The following EGFR variants were observed in gnomAD, a reference collection of about 807,000 sequenced individuals.
EGFR encodes epidermal growth factor receptor.
A neutral mutation model predicts 143.0 loss-of-function variants in EGFR; 58 were observed. The observed-to-expected ratio is 0.41, with a 90% CI of 0.33 to 0.50. EGFR has a LOEUF of 0.50. Among genes scored for constraint, EGFR ranks in the 20% least tolerant of loss-of-function variants. The pLI, the probability that EGFR is intolerant of heterozygous loss-of-function variation, is 0.39. For missense variants in EGFR, 1,307 were observed against 1,579.0 expected (o/e 0.83, Z 2.92); for synonymous variants, 613 against 594.4 (o/e 1.03, Z -0.45).
intron 1 of EGFR, among the ~76,000 whole-genome samples, chr7:55,083,765 T>C (rs751925300): frequency 7.9e-5 from 12 of 152,254 alleles, no homozygotes; most frequent in Non-Finnish European, 1.3e-4. Context: ...CATGCATTAA[T>C]GTTTAAATAT....
intron 1 of EGFR, chr7:55,119,096 C>T (rs1793047928): frequency 6.6e-6 from 1 of 152,194 alleles, no homozygotes; most frequent in Admixed American, 6.5e-5. Context: ...AAGAGGAAGG[C>T]ATCATCAAGA....
chr7:55,140,806 G>C (rs1180531771), intron 1 of EGFR, among the ~76,000 whole-genome samples: 1 of 152,192 alleles, frequency 6.6e-6, no homozygotes, highest in African/African-American at 2.4e-5. Context: ...CACTGAAATT[G>C]AATGAGAACA....
intron 19 of EGFR, chr7:55,180,940 T>C (rs1786833535): frequency 2.6e-6 from 1 of 388,248 alleles, no homozygotes; most frequent in Non-Finnish European, 4.8e-6. Flanking sequence ...TCCTCAACCT[T>C]GAGGCGGAGG....
intron 27 of EGFR, among the ~76,000 whole-genome samples, chr7:55,203,529 G>A (rs914995170): frequency 1.2e-4 from 15 of 123,034 alleles, no homozygotes; most frequent in South Asian, 5.5e-4. Flanking sequence ...ACATACACAC[G>A]TACACATACA....
intron 1 of EGFR, among the ~76,000 whole-genome samples, chr7:55,107,684 C>A (rs915654077): frequency 6.6e-6 from 1 of 152,210 alleles, no homozygotes; most frequent in African/African-American, 2.4e-5. Context: ...CTTCCAAATT[C>A]TCAAGGCCAC....
rs565128368 is a variant in EGFR, at chr7:55,127,004, T to G, written c.89-15282T>G. Among the ~76,000 whole-genome samples, 381 of 152,298 alleles carry G rather than the reference T, an allele frequency of 2.5e-3. 1 individual carries two copies. The highest frequency in any genetic ancestry group is 4.1e-3 in the Non-Finnish European group (281 of 68,024). ...GGAATAGACTTGGGGGCAGTGCAAG[T>G]GTATTTCTAATGGTGAAAACCATTC... On this transcript the variant is annotated intron_variant, in intron 1 of 27. Transcript: ENST00000275493.
At chr7:55,104,354 G>A (rs1024649719) in intron 1 of EGFR, among the ~76,000 whole-genome samples, 5 of 152,170 alleles carry the variant, frequency 3.3e-5, no homozygotes, top group Non-Finnish European at 4.4e-5. Flanking sequence ...CTCCGCCGTC[G>A]CTGCTACTGT....
rs755627760 is a variant in EGFR at position 55,201,365 on chromosome 7, C to A, written c.3114+10C>A. 5.0e-6 allele frequency: 8 copies of A among 1,614,148 alleles called. No homozygotes were observed. The South Asian group carries it at 7.7e-5, about 16-fold the overall frequency. ...CCTCCTGAGCTCTCTGGTATGAAAT[C>A]TCTGTCTCTCTCTCTCTCTCAAGCT... On this transcript the variant is annotated intron_variant, in intron 25 of 27. Coordinates refer to ENST00000275493, the MANE Select transcript of EGFR (RefSeq NM_005228.5).
intron 22 of EGFR, among the ~76,000 whole-genome samples, chr7:55,193,054 A>G (rs1442134291): frequency 2.0e-5 from 3 of 147,518 alleles, no homozygotes; most frequent in Non-Finnish European, 4.5e-5. Flanking sequence ...GGAGATTGCA[A>G]TGAGCTCGTC....
chr7:55,192,282 G>A (rs945631690), intron 21 of EGFR, among the ~76,000 whole-genome samples: 2 of 152,146 alleles, frequency 1.3e-5, no homozygotes, highest in Admixed American at 6.5e-5. Context: ...TCTGTGGCTC[G>A]TGGCTGGGAC....
At position 55,143,663 on chromosome 7, in the gene EGFR, T is replaced by C. The variant is rs1403037490; in HGVS notation, c.424+175T>C. Among the ~76,000 whole-genome samples the C allele has an allele frequency of 6.6e-5, 10 of 152,270 alleles. No individual in the cohort carries two copies. In the East Asian group the frequency reaches 1.4e-3, roughly 21 times the overall value. On this transcript the variant is annotated intron_variant, in intron 3 of 27. Transcript: ENST00000275493. ...ACTGCAGGGGAAGTTACTGAGAAGATGGCAGATACTGGAATGGGAAGATTT... is the reference window on the plus strand; with the variant it reads ...ACTGCAGGGGAAGTTACTGAGAAGACGGCAGATACTGGAATGGGAAGATTT...
intron 22 of EGFR, among the ~76,000 whole-genome samples, chr7:55,197,227 T>C (rs1266182508): frequency 1.3e-5 from 2 of 152,150 alleles, no homozygotes; most frequent in African/African-American, 2.4e-5. Flanking sequence ...TCTTTCACTT[T>C]CCTGGTTTAC....
In EGFR at chr7:55,156,514, G is replaced by A. The variant is rs769843542; in HGVS notation, c.1007-19G>A. The A allele has an allele frequency of 5.6e-6, 9 of 1,613,950 alleles. No homozygotes were observed. The Admixed American group carries it at 6.7e-5, about 12-fold the overall frequency. ...TCCAACAAATGTGAACGGAATACAC[G>A]TCTCTCTTATCTCTGCAGTGTGTAA... On this transcript the variant is annotated intron_variant, in intron 8 of 27. Transcript: ENST00000275493.
intron 15 of EGFR, chr7:55,170,170 C>T (rs1327015777): frequency 6.7e-7 from 1 of 1,500,012 alleles, no homozygotes; most frequent in Non-Finnish European, 9.1e-7. Context: ...CACCCAGACC[C>T]CCAAATTAAG....
chr7:55,092,073 T>C (rs1175606284), intron 1 of EGFR, among the ~76,000 whole-genome samples: 1 of 152,200 alleles, frequency 6.6e-6, no homozygotes, highest in African/African-American at 2.4e-5. Flanking sequence ...AGCTGCTTAA[T>C]GGATAGCAGG....
chr7:55,191,763 G>T lies in EGFR; in HGVS notation c.2514G>T (p.Leu838=). The T allele has an allele frequency of 6.2e-7, 1 of 1,614,064 alleles. No individual in the cohort carries two copies. Among genetic ancestry groups the T allele is most frequent in the Non-Finnish European group, 8.5e-7 (1 of 1,180,038 alleles). ...LEDRRLVHRD[L]AARNVLVKTP... is the part of the protein sequence containing the mutation. ...ACCGTCGCTTGGTGCACCGCGACCT[G>T]GCAGCCAGGAACGTACTGGTGAAAA... is the stretch of plus-strand genomic sequence containing the variant. Residue 838 remains leucine (L), a synonymous_variant, in exon 21 of 28, where the codon CTG becomes CTT. Coordinates refer to ENST00000275493, the MANE Select transcript of EGFR (RefSeq NM_005228.5).
chr7:55,082,669 G>C (rs796935442), intron 1 of EGFR, among the ~76,000 whole-genome samples: 36 of 152,244 alleles, frequency 2.4e-4, no homozygotes, highest in African/African-American at 8.4e-4. Context: ...TGTGGCTCCG[G>C]GCAGCAGCCT....
At chr7:55,092,685 G>A (rs1232377108) in intron 1 of EGFR, among the ~76,000 whole-genome samples, 4 of 152,328 alleles carry the variant, frequency 2.6e-5, no homozygotes, top group Admixed American at 6.5e-5. Context: ...AAACAAGCTC[G>A]TAGTATTAGA....
chr7:55,192,484 G>A (rs945396104), intron 21 of EGFR, among the ~76,000 whole-genome samples: 5 of 152,156 alleles, frequency 3.3e-5, no homozygotes, highest in Non-Finnish European at 7.3e-5. Context: ...GAAAACACAC[G>A]CAGACCTGGA....
Sources: gnomAD v4.1 joint callset for allele counts (sites outside exome capture counted in the v4.1 genomes callset) on GRCh38, gnomAD v4.1.1 for gene constraint, MANE v1.5 for transcripts, NCBI Gene and HGNC (gene_info 2026-07-23, HGNC 2026-07-21) for gene names.